Variants in TBX20 observed in about 807,000 individuals in gnomAD.
The protein encoded by TBX20 is T-box transcription factor 20, also known as T-box transcription factor TBX20.
TBX20 carries 8 observed loss-of-function variants against 42.9 expected under a neutral mutation model. That is an observed-to-expected ratio of 0.19 (90% CI 0.11 to 0.34). The LOEUF (loss-of-function observed/expected upper bound fraction) is 0.34, where lower values mean the gene tolerates loss of function less well. Among genes scored for constraint, TBX20 ranks in the 10% least tolerant of loss-of-function variants. TBX20 has a pLI of 1.00. For missense variants in TBX20, 411 were observed against 566.0 expected (o/e 0.73, Z 2.78); for synonymous variants, 198 against 222.8 (o/e 0.89, Z 0.99).
At chr7:35,229,095 G>A (rs948572420) in intron 6 of TBX20, among the ~76,000 whole-genome samples, 9 of 152,122 alleles carry the variant, frequency 5.9e-5, no homozygotes, top group Non-Finnish European at 1.2e-4. Flanking sequence ...TTTTGTTTGG[G>A]TGTCCCACAC....
chr7:35,233,144 T>C (rs998828384), intron 5 of TBX20, among the ~76,000 whole-genome samples: 19 of 152,248 alleles, frequency 1.2e-4, no homozygotes, highest in Admixed American at 1.3e-4. Flanking sequence ...TCAAAAGAAA[T>C]GTGGTTTTTT....
chr7:35,237,086 G>A (rs1789981008), intron 5 of TBX20, among the ~76,000 whole-genome samples: 2 of 152,064 alleles, frequency 1.3e-5, no homozygotes. Context: ...CAAAAAGGAG[G>A]AATTAAAACC....
intron 6 of TBX20, among the ~76,000 whole-genome samples, chr7:35,211,282 T>C (rs1789492437): frequency 6.6e-6 from 1 of 152,212 alleles, no homozygotes; most frequent in South Asian, 2.1e-4. Context: ...ATTTAAATAA[T>C]AAAAAATTAA....
At chr7:35,208,534 G>A (rs1789438121) in intron 6 of TBX20, among the ~76,000 whole-genome samples, 1 of 151,890 alleles carries the variant, frequency 6.6e-6, no homozygotes, top group African/African-American at 2.4e-5. Flanking sequence ...CCTGAGGTCG[G>A]GAGTTCAAGA....
chr7:35,223,475 GA>G (rs1562560842), intron 6 of TBX20, among the ~76,000 whole-genome samples: 1 of 152,150 alleles, frequency 6.6e-6, no homozygotes, highest in Non-Finnish European at 1.5e-5. Flanking sequence ...CTAAGGTCTG[GA>G]ACACATGGTG....
chr7:35,216,995 G>A (rs979041471), intron 6 of TBX20, among the ~76,000 whole-genome samples: 36 of 151,948 alleles, frequency 2.4e-4, no homozygotes, highest in African/African-American at 6.5e-4. Context: ...ATCAATATTC[G>A]TAACTTCCAC....
At chr7:35,244,451 C>T (rs1307757758) in intron 4 of TBX20, among the ~76,000 whole-genome samples, 1 of 152,180 alleles carries the variant, frequency 6.6e-6, no homozygotes. Flanking sequence ...AATGAGTAAA[C>T]AGCACTTTCC....
At chr7:35,248,911 GAGGA>G in intron 2 of TBX20, 70 bp from the exon 3 acceptor site, 1 of 1,590,978 alleles carries the variant, frequency 6.3e-7, no homozygotes, top group Non-Finnish European at 8.6e-7. Context: ...ATTAGGAAGA[GAGGA>G]AGGGAGGGAG....
intron 6 of TBX20, among the ~76,000 whole-genome samples, chr7:35,228,484 T>C (rs553751570): frequency 1.3e-5 from 2 of 152,148 alleles, no homozygotes; most frequent in Admixed American, 6.5e-5. Flanking sequence ...TTATGCTTTT[T>C]CTTACTTGTC....
intron 4 of TBX20, among the ~76,000 whole-genome samples, chr7:35,243,179 T>C (rs1790116242): frequency 6.6e-6 from 1 of 152,052 alleles, no homozygotes; most frequent in Non-Finnish European, 1.5e-5. Flanking sequence ...AGAGATGGGG[T>C]CTCTCTACGT....
chr7:35,219,376 C>T (rs909608744), intron 6 of TBX20, among the ~76,000 whole-genome samples: 1 of 152,150 alleles, frequency 6.6e-6, no homozygotes, highest in African/African-American at 2.4e-5. Context: ...AAAAACAGAC[C>T]GTGTTCCAAT....
intron 6 of TBX20, among the ~76,000 whole-genome samples, chr7:35,215,906 T>C (rs1385928962): frequency 6.6e-6 from 1 of 152,186 alleles, no homozygotes; most frequent in Non-Finnish European, 1.5e-5. Context: ...CCTGCACTCT[T>C]ATCAGTACTG....
intron 6 of TBX20, among the ~76,000 whole-genome samples, chr7:35,222,575 G>T (rs920469923): frequency 2.6e-5 from 4 of 152,062 alleles, no homozygotes; most frequent in Non-Finnish European, 4.4e-5. Flanking sequence ...ACAAATATTT[G>T]GGTGCTCACT....
intron 5 of TBX20, among the ~76,000 whole-genome samples, chr7:35,233,234 C>T (rs1196191659): frequency 1.3e-5 from 2 of 152,102 alleles, no homozygotes; most frequent in African/African-American, 2.4e-5. Context: ...TAAAATGAAA[C>T]CTCACATACT....
At chr7:35,215,252 A>G (rs1196818884) in intron 6 of TBX20, among the ~76,000 whole-genome samples, 3 of 152,212 alleles carry the variant, frequency 2.0e-5, no homozygotes, top group African/African-American at 4.8e-5. Flanking sequence ...ACTGAAAGCA[A>G]TGGCAGTTCT....
chr7:35,246,072 T>C (rs1216490887), intron 3 of TBX20, among the ~76,000 whole-genome samples: 2 of 152,210 alleles, frequency 1.3e-5, no homozygotes, highest in East Asian at 3.8e-4. Flanking sequence ...TAAGAAGTCA[T>C]AAAATTTTTC....
chr7:35,247,675 GTACATTTAAATAAGTTC>G (rs1177107378), intron 3 of TBX20, among the ~76,000 whole-genome samples: 2 of 152,056 alleles, frequency 1.3e-5, no homozygotes, highest in African/African-American at 4.8e-5. Flanking sequence ...TCCCAAATCT[GTACATTTAAATAAGTTC>G]TTAGCTCTGA....
chr7:35,252,411 A>G (rs962133914), intron 1 of TBX20, among the ~76,000 whole-genome samples: 1 of 150,598 alleles, frequency 6.6e-6, no homozygotes, highest in Non-Finnish European at 1.5e-5. Flanking sequence ...TCTGTTTTCT[A>G]CAGATCTACT....
chr7:35,209,317 A>T (rs1019638409), intron 6 of TBX20, among the ~76,000 whole-genome samples: 1 of 152,148 alleles, frequency 6.6e-6, no homozygotes, highest in Non-Finnish European at 1.5e-5. Context: ...CTGGACCTAG[A>T]GTTTTCTTTA....
Sources: gnomAD v4.1 joint callset for allele counts (sites outside exome capture counted in the v4.1 genomes callset) on GRCh38, gnomAD v4.1.1 for gene constraint, MANE v1.5 for transcripts, NCBI Gene and HGNC (gene_info 2026-07-23, HGNC 2026-07-21) for gene names.